ST3GAL2: variants seen among roughly 807,000 people sequenced by gnomAD.
ST3GAL2 encodes the protein ST3 beta-galactoside alpha-2,3-sialyltransferase 2.
ST3GAL2 carries 16 observed loss-of-function variants against 37.5 expected under a neutral mutation model. That is an observed-to-expected ratio of 0.43 (90% CI 0.29 to 0.65). ST3GAL2 has a LOEUF of 0.65. Among genes scored for constraint, ST3GAL2 ranks in the 30% least tolerant of loss-of-function variants. The pLI, the probability that ST3GAL2 is intolerant of heterozygous loss-of-function variation, is 0.17. For synonymous variants in ST3GAL2, 238 were observed against 202.9 expected (o/e 1.17, Z -1.47); for missense variants, 383 against 487.8 (o/e 0.79, Z 2.02).
rs2047403023 is a variant in ST3GAL2 at position 70,381,408 on chromosome 16, C to T, written c.*281G>A. ...AAAGCATGAGGGAGTGGGGATTGAG[C>T]GGCCGCTGGCCCGCCCCCGAAGGCC... is the stretch of plus-strand genomic sequence containing the variant. On this transcript the variant is annotated 3_prime_UTR_variant, in exon 7 of 7. Transcript: ENST00000342907. 1 of 425,986 alleles carries T rather than the reference C, an allele frequency of 2.3e-6. No homozygotes were observed. Among genetic ancestry groups the T allele is most frequent in the Non-Finnish European group, 4.3e-6 (1 of 234,746 alleles). 26.4% of individuals were successfully genotyped at this position (425,986 alleles called of 1,614,324 possible). A position where few individuals can be genotyped will look rare whatever the true frequency, so the allele number is the denominator to read the frequency against.
chr16:70,399,254 C>T lies in ST3GAL2; in HGVS notation c.-724G>A. 1 of 398,920 alleles carries T rather than the reference C, an allele frequency of 2.5e-6. No individual in the cohort carries two copies. The highest frequency in any genetic ancestry group is 4.4e-6 in the Non-Finnish European group (1 of 226,268). The allele number at this position is 398,920 out of a possible 1,614,324, so 24.7% of individuals were successfully genotyped here. ...CTTCTCCTGGTGGCCCCAGCCCCAGCTGCAGTTGCGTAGGGGTCGCAAAGC... is the reference window on the plus strand; with the variant it reads ...CTTCTCCTGGTGGCCCCAGCCCCAGTTGCAGTTGCGTAGGGGTCGCAAAGC... On this transcript the variant is annotated 5_prime_UTR_variant, in exon 2 of 7. Transcript: ENST00000342907.
chr16:70,412,671 A>G (rs2047647131), intron 1 of ST3GAL2, among the ~76,000 whole-genome samples: 1 of 152,210 alleles, frequency 6.6e-6, no homozygotes. Flanking sequence ...TGGCTGTATT[A>G]TATCTAGTGA....
At chr16:70,419,684 C>A (rs1440376908) in intron 1 of ST3GAL2, among the ~76,000 whole-genome samples, 1 of 152,224 alleles carries the variant, frequency 6.6e-6, no homozygotes, top group Non-Finnish European at 1.5e-5. Flanking sequence ...AGCCTGGCGG[C>A]CAGAGGTCAG....
chr16:70,386,250 C>T (rs535429584), intron 4 of ST3GAL2, among the ~76,000 whole-genome samples: 88 of 151,784 alleles, frequency 5.8e-4, no homozygotes, highest in African/African-American at 2.0e-3. Context: ...TGCAGTGGCG[C>T]GATCTCGGCT....
At chr16:70,436,729 T>A (rs1482157864) in intron 1 of ST3GAL2, among the ~76,000 whole-genome samples, 2 of 152,124 alleles carry the variant, frequency 1.3e-5, no homozygotes, top group Non-Finnish European at 2.9e-5. Flanking sequence ...TCCGCTGTAA[T>A]TCATTTACTG....
At chr16:70,396,916 C>G (rs2047520121) in intron 2 of ST3GAL2, among the ~76,000 whole-genome samples, 1 of 152,002 alleles carries the variant, frequency 6.6e-6, no homozygotes, top group Non-Finnish European at 1.5e-5. Context: ...CCCCCCAGCC[C>G]CACCCCTTCA....
chr16:70,430,402 T>C (rs2151680638), intron 1 of ST3GAL2, among the ~76,000 whole-genome samples: 1 of 152,372 alleles, frequency 6.6e-6, no homozygotes, highest in South Asian at 2.1e-4. Flanking sequence ...TTTCAGGCAC[T>C]GAGGAAAATC....
rs1322941001 is a variant in ST3GAL2 at position 70,378,495 on chromosome 16, G to C, written c.*3194C>G. The C allele has an allele frequency of 6.9e-6, 1 of 145,040 alleles. No individual in the cohort carries two copies. Among genetic ancestry groups the C allele is most frequent in the Non-Finnish European group, 1.5e-5 (1 of 66,684 alleles). 9.0% of individuals were successfully genotyped at this position (145,040 alleles called of 1,614,324 possible). ...TGAGGCGGGGAGATCACGAGGTCAG[G>C]AGATGGAGACCATCCTGGCTAACAG... On this transcript the variant is annotated 3_prime_UTR_variant, in exon 7 of 7. Transcript: ENST00000342907.
rs1567668248 is a variant in ST3GAL2 at position 70,395,044 on chromosome 16, G to A, written c.471C>T (p.Asn157=). 1.2e-6 allele frequency: 2 copies of A among 1,613,982 alleles called. No individual in the cohort carries two copies. The highest frequency in any genetic ancestry group is 1.1e-5 in the South Asian group (1 of 91,062). Residue 157 remains asparagine, a synonymous_variant, in exon 3 of 7, where the codon AAC becomes AAT. Transcript: ENST00000342907. ...HQCRRCAVVG[N]SGNLRGSGYG... ...AGCCAGAGCCCCGCAGGTTGCCCGA[G>A]TTCCCCACCACGGCACAGCGCCGGC...
In ST3GAL2 at chr16:70,378,276, G is replaced by A. The variant is rs1000315313; in HGVS notation, c.*3413C>T. The A allele has an allele frequency of 6.6e-6, 1 of 151,680 alleles. No homozygotes were observed. Among genetic ancestry groups the A allele is most frequent in the Non-Finnish European group, 1.5e-5 (1 of 67,962 alleles). 9.4% of individuals were successfully genotyped at this position (151,680 alleles called of 1,614,324 possible). Reference sequence around the variant, plus strand: ...AAAAATACAAAAATTAGCTGGGTGTGGTGGCACACCCCTGTAATTCCAGCT... The same window carrying A: ...AAAAATACAAAAATTAGCTGGGTGTAGTGGCACACCCCTGTAATTCCAGCT... On this transcript the variant is annotated 3_prime_UTR_variant, in exon 7 of 7. Coordinates refer to ENST00000342907, the MANE Select transcript of ST3GAL2 (RefSeq NM_006927.4).
At chr16:70,389,094 G>T (rs1597557166) in intron 3 of ST3GAL2, among the ~76,000 whole-genome samples, 2 of 116,156 alleles carry the variant, frequency 1.7e-5, no homozygotes, top group African/African-American at 3.8e-5. Flanking sequence ...AAAAAAAAAA[G>T]GTTGGCCGGG....
chr16:70,429,415 A>C (rs1204035749), intron 1 of ST3GAL2, among the ~76,000 whole-genome samples: 1 of 151,894 alleles, frequency 6.6e-6, no homozygotes, highest in Non-Finnish European at 1.5e-5. Context: ...AACACGGTGA[A>C]ACACCGTCTC....
At chr16:70,408,890 CAAAAAAAAAAAAAAAAAAAAAA>C (rs59060353) in intron 1 of ST3GAL2, among the ~76,000 whole-genome samples, 5,100 of 60,220 alleles carry the variant, frequency 0.085, 283 homozygotes, top group East Asian at 0.38. Flanking sequence ...CTCAAAGAAA[CAAAAAAAAAAAAAAAAAAAAAA>C]AAAAAAAAAA....
intron 4 of ST3GAL2, among the ~76,000 whole-genome samples, 174 bp from the exon 5 acceptor site, chr16:70,383,409 C>T (rs1483437043): frequency 1.3e-5 from 2 of 151,726 alleles, no homozygotes; most frequent in Non-Finnish European, 2.9e-5. Flanking sequence ...CATAGTGAAA[C>T]CCCATCTCTA....
chr16:70,410,815 T>G (rs1399997460), intron 1 of ST3GAL2, among the ~76,000 whole-genome samples: 3 of 150,692 alleles, frequency 2.0e-5, no homozygotes, highest in East Asian at 1.9e-4. Context: ...CCTGTTTTTT[T>G]TTTTTTTTTT....
intron 1 of ST3GAL2, among the ~76,000 whole-genome samples, chr16:70,410,364 C>G (rs2047629077): frequency 6.7e-6 from 1 of 148,950 alleles, no homozygotes; most frequent in Non-Finnish European, 1.5e-5. Flanking sequence ...CATTCTCCTG[C>G]CTCAGCCTCC....
At chr16:70,437,508 A>AC (rs2047833800) in intron 1 of ST3GAL2, among the ~76,000 whole-genome samples, 1 of 74,504 alleles carries the variant, frequency 1.3e-5, no homozygotes, top group Non-Finnish European at 2.5e-5. Flanking sequence ...CCCCCCCCGC[A>AC]AAAAAAAAAA....
chr16:70,404,963 G>A (rs1567671316), intron 1 of ST3GAL2, among the ~76,000 whole-genome samples: 1 of 150,948 alleles, frequency 6.6e-6, no homozygotes, highest in Non-Finnish European at 1.5e-5. Context: ...AACTTGGGAG[G>A]CAGAGGTTGC....
At chr16:70,393,725 C>T (rs1379265238) in intron 3 of ST3GAL2, 1 of 152,226 alleles carries the variant, frequency 6.6e-6, no homozygotes, top group Non-Finnish European at 1.5e-5. Flanking sequence ...GCTCCGGGGT[C>T]CTGGACAGGG....
Sources: gnomAD v4.1 joint callset for allele counts (sites outside exome capture counted in the v4.1 genomes callset) on GRCh38, gnomAD v4.1.1 for gene constraint, MANE v1.5 for transcripts, NCBI Gene and HGNC (gene_info 2026-07-23, HGNC 2026-07-21) for gene names.